CACNB2: variants seen among roughly 807,000 people sequenced by gnomAD.
The protein encoded by CACNB2 is voltage-dependent L-type calcium channel subunit beta-2.
In CACNB2, 42 loss-of-function variants were observed where a neutral mutation model predicts 73.3. The ratio of observed to expected loss-of-function variants is 0.57; its 90% CI spans 0.45 to 0.74. CACNB2 has a LOEUF of 0.74. Among genes scored for constraint, CACNB2 ranks in the 30% least tolerant of loss-of-function variants. CACNB2 has a pLI of 0.00. For missense variants in CACNB2, 940 were observed against 853.0 expected (o/e 1.10, Z -1.27); for synonymous variants, 348 against 310.3 (o/e 1.12, Z -1.28).
At chr10:18,410,889 A>G (rs2044585843) in intron 3 of CACNB2, among the ~76,000 whole-genome samples, 1 of 152,176 alleles carries the variant, frequency 6.6e-6, no homozygotes, top group African/African-American at 2.4e-5. Flanking sequence ...CTGAGGCAAG[A>G]GAATCACTGG....
At chr10:18,419,917 A>C (rs1324989358) in intron 3 of CACNB2, among the ~76,000 whole-genome samples, 1 of 152,226 alleles carries the variant, frequency 6.6e-6, no homozygotes, top group Non-Finnish European at 1.5e-5. Context: ...TACTATCTCT[A>C]AAGCAAAACT....
At chr10:18,273,362 A>G (rs1377509169) in intron 2 of CACNB2, among the ~76,000 whole-genome samples, 1 of 151,856 alleles carries the variant, frequency 6.6e-6, no homozygotes, top group African/African-American at 2.4e-5. Flanking sequence ...GCTGTTTTCC[A>G]GAAAACAAAA....
chr10:18,241,970 A>C (rs1047081470), intron 2 of CACNB2, among the ~76,000 whole-genome samples: 1 of 152,062 alleles, frequency 6.6e-6, no homozygotes, highest in East Asian at 1.9e-4. Flanking sequence ...ATAACTATTC[A>C]ATTACGTATA....
chr10:18,476,973 T>C (rs562789632), intron 3 of CACNB2, among the ~76,000 whole-genome samples: 228 of 152,102 alleles, frequency 1.5e-3, no homozygotes, highest in African/African-American at 5.2e-3. Context: ...TGAGCCAAGA[T>C]TGTGCCACTG....
intron 3 of CACNB2, among the ~76,000 whole-genome samples, chr10:18,468,197 C>T (rs548703240): frequency 2.0e-5 from 3 of 152,190 alleles, no homozygotes; most frequent in East Asian, 1.9e-4. Context: ...TGGTGGCTCA[C>T]GCCTGCAATC....
Position 18,290,495 on chromosome 10 carries a change from C to T in CACNB2, c.214-111429C>T, listed in dbSNP as rs112593040. On this transcript the variant is annotated intron_variant, in intron 2 of 13. Transcript: ENST00000324631. ...CAATCTCTTGGTCAAAGTGACCATT[C>T]TCCCAGGAAGAAAAAAACTCAATGA... 1.1e-4 allele frequency among the ~76,000 whole-genome samples: 16 copies of T among 152,286 alleles called. 1 individual carries two copies. The highest frequency in any genetic ancestry group is 3.8e-4 in the African/African-American group (16 of 41,572).
chr10:18,391,538 A>G (rs2043467688), intron 2 of CACNB2, among the ~76,000 whole-genome samples: 1 of 152,172 alleles, frequency 6.6e-6, no homozygotes, highest in South Asian at 2.1e-4. Flanking sequence ...GAGTAAGTGA[A>G]ACATTTAAAA....
intron 2 of CACNB2, among the ~76,000 whole-genome samples, chr10:18,220,711 G>A (rs561693697): frequency 6.4e-4 from 98 of 152,266 alleles, no homozygotes; most frequent in African/African-American, 2.3e-3. Flanking sequence ...TCCACCTCCT[G>A]TTAGATCAGC....
intron 2 of CACNB2, among the ~76,000 whole-genome samples, chr10:18,215,235 A>AT (rs2035467609): frequency 6.6e-6 from 1 of 152,134 alleles, no homozygotes; most frequent in Non-Finnish European, 1.5e-5. Context: ...AAACTCAGTT[A>AT]TTTCATCCAG....
chr10:18,270,574 C>G (rs1350472926), intron 2 of CACNB2, among the ~76,000 whole-genome samples: 1 of 152,158 alleles, frequency 6.6e-6, no homozygotes, highest in Non-Finnish European at 1.5e-5. Context: ...CTTGATCAAG[C>G]CACTGCTTGT....
At chr10:18,533,173 G>A (rs2053233395) in intron 10 of CACNB2, 3 of 152,140 alleles carry the variant, frequency 2.0e-5, no homozygotes, top group Non-Finnish European at 4.4e-5. Flanking sequence ...CAACCTCCAC[G>A]ACTGCAGTGG....
At chr10:18,227,900 A>T (rs2036060151) in intron 2 of CACNB2, among the ~76,000 whole-genome samples, 1 of 152,176 alleles carries the variant, frequency 6.6e-6, no homozygotes, top group East Asian at 1.9e-4. Context: ...TCCAAGATAG[A>T]GTCACTTTTG....
intron 3 of CACNB2, among the ~76,000 whole-genome samples, chr10:18,424,062 C>T (rs2045471148): frequency 6.6e-6 from 1 of 152,058 alleles, no homozygotes; most frequent in Non-Finnish European, 1.5e-5. Flanking sequence ...CATGTACCCA[C>T]CTCCACAATT....
intron 2 of CACNB2, among the ~76,000 whole-genome samples, chr10:18,238,129 C>T (rs1208488979): frequency 6.6e-6 from 1 of 152,186 alleles, no homozygotes. Context: ...AACATCTCTC[C>T]CGCTTGCATT....
intron 2 of CACNB2, among the ~76,000 whole-genome samples, chr10:18,259,933 G>T (rs976691394): frequency 1.3e-5 from 2 of 152,022 alleles, no homozygotes; most frequent in African/African-American, 4.8e-5. Context: ...GAAAATACTG[G>T]TAAAGTGTTG....
At chr10:18,161,629 C>T (rs2032466741) in intron 2 of CACNB2, among the ~76,000 whole-genome samples, 1 of 145,834 alleles carries the variant, frequency 6.9e-6, no homozygotes, top group Non-Finnish European at 1.5e-5. Context: ...TGGCAAATCT[C>T]TTTTTTTTTT....
At chr10:18,378,097 G>T (rs1211692916) in intron 2 of CACNB2, among the ~76,000 whole-genome samples, 1 of 152,148 alleles carries the variant, frequency 6.6e-6, no homozygotes, top group Admixed American at 6.6e-5. Context: ...TGCATGGGAG[G>T]TGGGGTGTGG....
chr10:18,274,471 T>G (rs1335167333), intron 2 of CACNB2, among the ~76,000 whole-genome samples: 2 of 152,222 alleles, frequency 1.3e-5, no homozygotes, highest in African/African-American at 2.4e-5. Flanking sequence ...TTTCTCACCT[T>G]GTATGTAAGC....
At chr10:18,302,346 G>C (rs893135374) in intron 2 of CACNB2, among the ~76,000 whole-genome samples, 1 of 152,146 alleles carries the variant, frequency 6.6e-6, no homozygotes, top group African/African-American at 2.4e-5. Context: ...CAGCAGAAGC[G>C]ATAGCGCCTG....
Sources: gnomAD v4.1 joint callset for allele counts (sites outside exome capture counted in the v4.1 genomes callset) on GRCh38, gnomAD v4.1.1 for gene constraint, MANE v1.5 for transcripts, NCBI Gene and HGNC (gene_info 2026-07-23, HGNC 2026-07-21) for gene names.